The following EYS variants were observed in gnomAD, a reference collection of about 807,000 sequenced individuals.
EYS encodes the protein EGF-like photoreceptor maintenance factor.
EYS carries 250 observed loss-of-function variants against 282.1 expected under a neutral mutation model. The observed-to-expected ratio is 0.89, with a 90% confidence interval of 0.80 to 0.98. EYS has a LOEUF of 0.98. Among genes scored for constraint, EYS ranks in the 50% least tolerant of loss-of-function variants. EYS has a pLI of 0.00. For synonymous variants in EYS, 1,355 were observed against 1,282.9 expected (o/e 1.06, Z -1.20); for missense variants, 4,016 against 3,709.0 (o/e 1.08, Z -2.15).
At chr6:64,819,320 G>A (rs1032100145) in intron 21 of EYS, among the ~76,000 whole-genome samples, 28 of 152,118 alleles carry the variant, frequency 1.8e-4, no homozygotes, top group African/African-American at 5.5e-4. Context: ...TACATATAGA[G>A]TACACTTAAT....
chr6:64,541,459 C>T (rs1216761609), intron 26 of EYS, among the ~76,000 whole-genome samples: 3 of 152,136 alleles, frequency 2.0e-5, no homozygotes, highest in Non-Finnish European at 4.4e-5. Flanking sequence ...TGGTCATCTA[C>T]CTCTCCAAAC....
At chr6:64,848,726 A>G (rs1443817811) in intron 19 of EYS, among the ~76,000 whole-genome samples, 3 of 152,092 alleles carry the variant, frequency 2.0e-5, no homozygotes, top group Non-Finnish European at 4.4e-5. Flanking sequence ...GAACAAGTAT[A>G]GGAGAGAATG....
intron 36 of EYS, among the ~76,000 whole-genome samples, chr6:63,853,506 A>G (rs191840336): frequency 6.6e-6 from 1 of 152,350 alleles, no homozygotes; most frequent in East Asian, 1.9e-4. Context: ...ATGGAAAAAC[A>G]TTCCATGCTC....
intron 22 of EYS, among the ~76,000 whole-genome samples, chr6:64,710,015 A>C (rs1190621966): frequency 1.3e-5 from 2 of 152,232 alleles, no homozygotes; most frequent in African/African-American, 4.8e-5. Context: ...AAGAATATGA[A>C]AACTTTACTT....
rs1562209802 is a variant in EYS, at chr6:64,118,071, T to C, written c.6425-36069A>G. On this transcript the variant is annotated intron_variant, in intron 31 of 42. Coordinates refer to ENST00000503581, the MANE Select transcript of EYS (RefSeq NM_001142800.2). ...CACAAAGAGATGGAAGGCTATTCCATGTTCATGGATTAGAATAATAAATAT... is the reference window on the plus strand; with the variant it reads ...CACAAAGAGATGGAAGGCTATTCCACGTTCATGGATTAGAATAATAAATAT... Among the ~76,000 whole-genome samples, 4 of 152,230 alleles carry C rather than the reference T, an allele frequency of 2.6e-5. No individual in the cohort carries two copies. In the South Asian group the frequency reaches 6.2e-4, roughly 24 times the overall value.
intron 5 of EYS, among the ~76,000 whole-genome samples, chr6:65,460,406 A>G (rs1764789573): frequency 6.6e-6 from 1 of 151,998 alleles, no homozygotes; most frequent in Non-Finnish European, 1.5e-5. Context: ...TTGTTCTCCC[A>G]TCTTGATTAA....
Position 64,927,548 on chromosome 6 carries a change from A to G in EYS, c.2382-14805T>C, listed in dbSNP as rs1768557511. On this transcript the variant is annotated intron_variant, in intron 15 of 42. Transcript: ENST00000503581. ...AAAACTCCCCAGCATAAGAAAAACC[A>G]CAACACTGAACAACCCTTTCATCAC... Among the ~76,000 whole-genome samples the G allele has an allele frequency of 1.3e-5, 2 of 152,268 alleles. 1 individual carries two copies. The highest frequency in any genetic ancestry group is 4.1e-4 in the South Asian group (2 of 4,828).
chr6:63,959,228 G>T (rs918601370), intron 35 of EYS, among the ~76,000 whole-genome samples: 4 of 152,076 alleles, frequency 2.6e-5, no homozygotes, highest in African/African-American at 4.8e-5. Flanking sequence ...ACTCTCAAAA[G>T]AAGACATCTA....
Position 63,797,464 on chromosome 6 carries a change from C to T in EYS, c.7412-8240G>A, listed in dbSNP as rs181841953. Reference sequence around the variant, plus strand: ...TTTATCCCATATTCAGTTACAGTCTCTACTTTAGGGGATGCTAAACTAAAA... The same window carrying T: ...TTTATCCCATATTCAGTTACAGTCTTTACTTTAGGGGATGCTAAACTAAAA... On this transcript the variant is annotated intron_variant, in intron 37 of 42. Transcript: ENST00000503581. 7 of 152,288 alleles carry T rather than the reference C, an allele frequency of 4.6e-5. No individual in the cohort carries two copies. In the East Asian group the frequency reaches 9.6e-4, roughly 21 times the overall value. 9.4% of individuals were successfully genotyped at this position (152,288 alleles called of 1,614,324 possible).
At chr6:65,654,495 G>A (rs1767752998) in intron 1 of EYS, among the ~76,000 whole-genome samples, 1 of 151,712 alleles carries the variant, frequency 6.6e-6, no homozygotes, top group Non-Finnish European at 1.5e-5. Context: ...AGCATCTGAG[G>A]TAATGACTTC....
chr6:65,248,741 T>TA (rs1173530804), intron 12 of EYS, among the ~76,000 whole-genome samples: 3 of 151,794 alleles, frequency 2.0e-5, no homozygotes, highest in Admixed American at 6.6e-5. Flanking sequence ...GAAAAAAAAA[T>TA]AGATTTGTTG....
intron 31 of EYS, among the ~76,000 whole-genome samples, chr6:64,162,897 T>A (rs942972822): frequency 6.6e-6 from 1 of 152,164 alleles, no homozygotes; most frequent in African/African-American, 2.4e-5. Context: ...AGTTTACTGT[T>A]CAGAAATAGT....
chr6:64,831,147 T>C (rs969611647), intron 19 of EYS, among the ~76,000 whole-genome samples: 2 of 152,036 alleles, frequency 1.3e-5, no homozygotes, highest in African/African-American at 4.8e-5. Flanking sequence ...CTCACCTACA[T>C]GTAAATTGCA....
intron 26 of EYS, among the ~76,000 whole-genome samples, chr6:64,458,757 C>T (rs1582780709): frequency 6.6e-6 from 1 of 152,184 alleles, no homozygotes; most frequent in East Asian, 1.9e-4. Context: ...ACTGTATCAT[C>T]TTGTTCCACC....
At chr6:64,915,764 A>G (rs1009088244) in intron 15 of EYS, among the ~76,000 whole-genome samples, 3 of 152,180 alleles carry the variant, frequency 2.0e-5, no homozygotes, top group Non-Finnish European at 4.4e-5. Context: ...TACTTTCAAT[A>G]AAGCTTTGAA....
chr6:65,687,000 G>A (rs184304549), intron 1 of EYS, among the ~76,000 whole-genome samples: 34 of 151,928 alleles, frequency 2.2e-4, no homozygotes, highest in Admixed American at 4.6e-4. Flanking sequence ...AGTATTAGAA[G>A]TATAATTATT....
At chr6:64,017,225 G>C (rs1768937317) in intron 33 of EYS, among the ~76,000 whole-genome samples, 1 of 152,054 alleles carries the variant, frequency 6.6e-6, no homozygotes. Context: ...ACCACACCCT[G>C]TAGTGTTGGT....
chr6:63,937,382 T>C (rs113611552), intron 35 of EYS, among the ~76,000 whole-genome samples: 3 of 85,758 alleles, frequency 3.5e-5, no homozygotes, highest in African/African-American at 1.1e-4. Context: ...TTTTTTTTTT[T>C]TTTTTTTTTT....
chr6:64,482,458 T>C (rs899780936), intron 26 of EYS, among the ~76,000 whole-genome samples: 2 of 151,756 alleles, frequency 1.3e-5, no homozygotes, highest in Non-Finnish European at 3.0e-5. Flanking sequence ...TTTTCAAATA[T>C]GGCTCTGCCA....
Sources: allele counts gnomAD v4.1 joint callset (sites outside exome capture counted in the v4.1 genomes callset), GRCh38; gene constraint gnomAD v4.1.1; transcripts MANE v1.5; gene names NCBI Gene and HGNC (gene_info 2026-07-23, HGNC 2026-07-21).